The following SLC6A17 variants were observed in gnomAD, a reference collection of about 807,000 sequenced individuals.
SLC6A17 encodes sodium-dependent neutral amino acid transporter SLC6A17.
A neutral mutation model predicts 64.5 loss-of-function variants in SLC6A17; 21 were observed. The ratio of observed to expected loss-of-function variants is 0.33; its 90% CI spans 0.23 to 0.47. The LOEUF (loss-of-function observed/expected upper bound fraction) is 0.47, where lower values mean the gene tolerates loss of function less well. Ranked by LOEUF, SLC6A17 falls within the 20% of genes least tolerant of loss-of-function variation. The pLI is 1.00. For missense variants in SLC6A17, 682 were observed against 963.2 expected (o/e 0.71, Z 3.86); for synonymous variants, 372 against 399.5 (o/e 0.93, Z 0.82).
chr1:110,198,370 G>A lies in SLC6A17; in HGVS notation c.2110G>A (p.Glu704Lys). The change falls in exon 12 of 12, where the codon GAG becomes AAG. Residue 704 changes from glutamate to lysine, a missense_variant. Around this residue, in one of 3 missense-constraint regions of SLC6A17, gnomAD observed 264 missense variants for 339.5 expected, o/e 0.78. Transcript: ENST00000331565. ...YLGPGSTSPL[E>K]TSGNPNGRYG... ...GGGGCCCGGCAGCACATCACCCCTG[G>A]AGACCAGCGGTAACCCCAATGGACG... The A allele has an allele frequency of 6.2e-7, 1 of 1,614,060 alleles. No individual in the cohort carries two copies. Among genetic ancestry groups the A allele is most frequent in the South Asian group, 1.1e-5 (1 of 91,080 alleles).
chr1:110,176,937 G>A (rs1231011554), intron 6 of SLC6A17, among the ~76,000 whole-genome samples, 198 bp downstream of exon 6: 1 of 152,202 alleles, frequency 6.6e-6, no homozygotes, highest in African/African-American at 2.4e-5. Context: ...GTGTCACATC[G>A]ATTTGGGTGA....
intron 3 of SLC6A17, among the ~76,000 whole-genome samples, chr1:110,173,074 G>A (rs991888845): frequency 1.3e-5 from 2 of 152,236 alleles, no homozygotes; most frequent in African/African-American, 2.4e-5. Context: ...GGCCAATGCC[G>A]TGTATTCTGC....
chr1:110,198,101 C>T lies in SLC6A17; in HGVS notation c.1841C>T (p.Pro614Leu). Reference sequence around the variant, plus strand: ...GCTGCCGAGCGCTACCTGTATTTCCCCAACTGGGCCATGGCACTCCTGATC... The same window carrying T: ...GCTGCCGAGCGCTACCTGTATTTCCTCAACTGGGCCATGGCACTCCTGATC... ...EEAAERYLYF[P>L]NWAMALLITL... The change falls in exon 12 of 12, where the codon CCC becomes CTC. Residue 614 changes from proline (P) to leucine (L), a missense_variant. This residue lies in a region of SLC6A17 where 264 missense variants were observed against 339.5 expected (regional missense o/e 0.78). Coordinates refer to ENST00000331565, the MANE Select transcript of SLC6A17 (RefSeq NM_001010898.4). The T allele has an allele frequency of 6.2e-7, 1 of 1,613,470 alleles. No individual in the cohort carries two copies. Among genetic ancestry groups the T allele is most frequent in the Non-Finnish European group, 8.5e-7 (1 of 1,179,768 alleles).
intron 1 of SLC6A17, among the ~76,000 whole-genome samples, chr1:110,156,468 G>A (rs561027822): frequency 6.6e-6 from 1 of 152,128 alleles, no homozygotes; most frequent in Non-Finnish European, 1.5e-5. Context: ...CCATGATAGT[G>A]TTATTTTCTG....
At chr1:110,190,396 C>A (rs1027621500) in intron 6 of SLC6A17, among the ~76,000 whole-genome samples, 2 of 152,212 alleles carry the variant, frequency 1.3e-5, no homozygotes, top group African/African-American at 4.8e-5. Context: ...CCACCTCTTT[C>A]CCCTCAGCAT....
In SLC6A17 at chr1:110,194,788, C is replaced by T. The variant is rs1158271926; in HGVS notation, c.1492+17C>T. 1 of 1,610,120 alleles carries T rather than the reference C, an allele frequency of 6.2e-7. No individual in the cohort carries two copies. The highest frequency in any genetic ancestry group is 1.7e-5 in the Admixed American group (1 of 60,018). ...TGTTCACAGGTAACTCCTCCCTGCCCCCATGCCCAGGCTCTGCAGGCTGCC... is the reference window on the plus strand; with the variant it reads ...TGTTCACAGGTAACTCCTCCCTGCCTCCATGCCCAGGCTCTGCAGGCTGCC... On this transcript the variant is annotated intron_variant, in intron 9 of 11. Transcript: ENST00000331565.
chr1:110,173,492 C>A (rs1656294645), intron 3 of SLC6A17, among the ~76,000 whole-genome samples: 1 of 152,198 alleles, frequency 6.6e-6, no homozygotes, highest in Non-Finnish European at 1.5e-5. Context: ...TTTCTAGAGG[C>A]AGGCTGCTAA....
At chr1:110,191,776 T>C (rs948333758) in intron 6 of SLC6A17, among the ~76,000 whole-genome samples, 196 bp from the exon 7 acceptor site, 25 of 152,322 alleles carry the variant, frequency 1.6e-4, no homozygotes, top group African/African-American at 6.0e-4. Context: ...CCTCTGAAGT[T>C]GATACTCTTG....
In SLC6A17 at chr1:110,199,689, G is replaced by C. The variant is rs1312083570; in HGVS notation, c.*1245G>C. Reference sequence around the variant, plus strand: ...TAGAGGCTGCCAAAGGCAAGGGCTGGTCTTCAGGATGGAGGCCAGCCTGTG... The same window carrying C: ...TAGAGGCTGCCAAAGGCAAGGGCTGCTCTTCAGGATGGAGGCCAGCCTGTG... On this transcript the variant is annotated 3_prime_UTR_variant, in exon 12 of 12. Coordinates refer to ENST00000331565, the MANE Select transcript of SLC6A17 (RefSeq NM_001010898.4). The C allele has an allele frequency of 5.8e-6, 2 of 345,614 alleles. No homozygotes were observed. The highest frequency in any genetic ancestry group is 1.0e-5 in the Non-Finnish European group (2 of 192,200). The allele number at this position is 345,614 out of a possible 1,614,324, so 21.4% of individuals were successfully genotyped here.
chr1:110,179,790 T>G (rs1656472912), intron 6 of SLC6A17, among the ~76,000 whole-genome samples: 1 of 152,144 alleles, frequency 6.6e-6, no homozygotes, highest in Non-Finnish European at 1.5e-5. Flanking sequence ...CGACCTCAGA[T>G]GATCCGCCCG....
intron 6 of SLC6A17, among the ~76,000 whole-genome samples, chr1:110,185,719 G>A (rs977066356): frequency 3.3e-5 from 5 of 152,170 alleles, no homozygotes; most frequent in African/African-American, 9.7e-5. Context: ...GAATCTGGCC[G>A]GGGGTTCATC....
chr1:110,159,839 CG>C (rs1557829371), intron 1 of SLC6A17, among the ~76,000 whole-genome samples: 1 of 152,160 alleles, frequency 6.6e-6, no homozygotes, highest in Admixed American at 6.5e-5. Context: ...AAAAACACAT[CG>C]GACTCCAGGA....
intron 6 of SLC6A17, 125 bp downstream of exon 6, chr1:110,176,864 G>A (rs1656390665): frequency 2.4e-6 from 2 of 831,384 alleles, no homozygotes; most frequent in Non-Finnish European, 3.8e-6. Flanking sequence ...TATCGTACCA[G>A]GCCCTGGAGA....
intron 10 of SLC6A17, among the ~76,000 whole-genome samples, chr1:110,197,060 A>C (rs1421242968): frequency 1.3e-5 from 2 of 152,198 alleles, no homozygotes; most frequent in Admixed American, 6.5e-5. Context: ...TTTGGACTCT[A>C]GAGAAGTGCA....
Position 110,150,825 on chromosome 1 carries a change from T to C in SLC6A17, c.-146T>C, listed in dbSNP as rs7538131. The C allele has an allele frequency of 0.81, 123,431 of 152,056 alleles. 50,440 individuals are homozygous for C. Among genetic ancestry groups the C allele is most frequent in the South Asian group, 0.91 (4,404 of 4,832 alleles). 9.4% of individuals were successfully genotyped at this position (152,056 alleles called of 1,614,324 possible). A position where few individuals can be genotyped will look rare whatever the true frequency, so the allele number is the denominator to read the frequency against. On this transcript the variant is annotated 5_prime_UTR_variant, in exon 1 of 12. Coordinates refer to ENST00000331565, the MANE Select transcript of SLC6A17 (RefSeq NM_001010898.4). ...CTGTGCGTCCGCGACCCGTCGGGGA[T>C]CGCAGCTGCTCGGCCGGAGTGCACG...
At chr1:110,151,949 A>G (rs977063237) in intron 1 of SLC6A17, among the ~76,000 whole-genome samples, 1 of 152,166 alleles carries the variant, frequency 6.6e-6, no homozygotes, top group Admixed American at 6.5e-5. Context: ...TTTTCCGGGC[A>G]TTGTCCTTGT....
intron 1 of SLC6A17, among the ~76,000 whole-genome samples, chr1:110,153,214 G>A (rs954729329): frequency 6.6e-6 from 1 of 152,006 alleles, no homozygotes; most frequent in Non-Finnish European, 1.5e-5. Context: ...GGACTTCAGG[G>A]GTCACTTCTC....
At chr1:110,165,071 T>C (rs1221732587) in intron 1 of SLC6A17, among the ~76,000 whole-genome samples, 1 of 152,148 alleles carries the variant, frequency 6.6e-6, no homozygotes, top group Non-Finnish European at 1.5e-5. Context: ...AACAGCTCTG[T>C]ATGTAAGCTG....
intron 5 of SLC6A17, 90 bp downstream of exon 5, chr1:110,175,050 G>GC: frequency 2.7e-6 from 4 of 1,483,642 alleles, no homozygotes; most frequent in Non-Finnish European, 3.6e-6. Flanking sequence ...GCTGCCCTTT[G>GC]CAGGGTCTTC....
Sources: allele counts gnomAD v4.1 joint callset (sites outside exome capture counted in the v4.1 genomes callset), GRCh38; gene constraint gnomAD v4.1.1; regional missense constraint gnomAD v4.1.1; transcripts MANE v1.5; gene names NCBI Gene and HGNC (gene_info 2026-07-23, HGNC 2026-07-21).